GATM: variants seen among roughly 807,000 people sequenced by gnomAD.
GATM encodes the protein glycine amidinotransferase.
A neutral mutation model predicts 54.2 loss-of-function variants in GATM; 23 were observed. The observed-to-expected ratio is 0.42, with a 90% CI of 0.31 to 0.60. GATM has a LOEUF of 0.60. Ranked by LOEUF, GATM falls within the 20% of genes least tolerant of loss-of-function variation. The probability of loss-of-function intolerance (pLI) is 0.14; values close to 1 mark genes in which losing one functional copy is unlikely to be tolerated. For synonymous variants in GATM, 168 were observed against 183.1 expected, an observed-to-expected ratio of 0.92 and a Z score of 0.67; for missense variants, 401 against 544.9, an observed-to-expected ratio of 0.74 and a Z score of 2.63.
At chr15:45,390,299 G>A (rs1485128453) in intron 3 of GATM, among the ~76,000 whole-genome samples, 1 of 152,202 alleles carries the variant, frequency 6.6e-6, no homozygotes, top group Non-Finnish European at 1.5e-5. Context: ...GGCAGTTGGA[G>A]CTTTTCTCTC....
chr15:45,366,331 A>G (rs112157082), intron 5 of GATM, 40 bp downstream of exon 5: 1 of 1,613,114 alleles, frequency 6.2e-7, no homozygotes, highest in Non-Finnish European at 8.5e-7. Flanking sequence ...TAAAGAATAC[A>G]ATAATATAGT....
chr15:45,368,051 C>T lies in GATM; in HGVS notation c.675+19G>A. 1.2e-6 allele frequency: 2 copies of T among 1,609,374 alleles called. No individual in the cohort carries two copies. Among genetic ancestry groups the T allele is most frequent in the Non-Finnish European group, 1.7e-6 (2 of 1,176,060 alleles). On this transcript the variant is annotated intron_variant, in intron 4 of 8. Coordinates refer to ENST00000396659, the MANE Select transcript of GATM (RefSeq NM_001482.3). This position sits in a 1 kb window ranked among gnomAD's most constrained non-coding sequence, Gnocchi z 5.1. ...TTTAGAAAAGTTAGTAATAAGCTAGCCTATAATTAGGGACTCACCTGGTTA... is the reference window on the plus strand; with the variant it reads ...TTTAGAAAAGTTAGTAATAAGCTAGTCTATAATTAGGGACTCACCTGGTTA...
intron 2 of GATM, among the ~76,000 whole-genome samples, chr15:45,398,045 C>T (rs573618164): frequency 2.0e-5 from 3 of 152,218 alleles, no homozygotes; most frequent in African/African-American, 7.2e-5. Context: ...AGCCCTTTTC[C>T]GTTTATTTCT....
chr15:45,366,066 G>C lies in GATM; in HGVS notation c.958C>G (p.Pro320Ala). 1 of 1,614,096 alleles carries C rather than the reference G, an allele frequency of 6.2e-7. No homozygotes were observed. The highest frequency in any genetic ancestry group is 8.5e-7 in the Non-Finnish European group (1 of 1,180,006). Residue 320 changes from proline to alanine, a missense_variant, in exon 6 of 9, where the codon CCT becomes GCT. Transcript: ENST00000396659. ...IIGPGIVLSN[P>A]DRPCHQIDLF... is the part of the protein sequence containing the mutation. ...CTTACCTGGTGACATGGTCGGTCAG[G>C]GTTGGAAAGCACAATACCAGGTCCA...
intron 1 of GATM, among the ~76,000 whole-genome samples, chr15:45,401,647 C>T (rs1272050051): frequency 6.6e-5 from 10 of 152,144 alleles, no homozygotes; most frequent in Non-Finnish European, 2.9e-5. Context: ...TACTGTTGTG[C>T]CCCAATTAGA....
At chr15:45,398,251 A>G (rs1258714471) in intron 2 of GATM, among the ~76,000 whole-genome samples, 1 of 152,168 alleles carries the variant, frequency 6.6e-6, no homozygotes, top group African/African-American at 2.4e-5. Context: ...TATTTGTTTT[A>G]ATAAATATAT....
chr15:45,364,705 G>T, intron 7 of GATM, 92 bp downstream of exon 7: 1 of 1,107,606 alleles, frequency 9.0e-7, no homozygotes, highest in Non-Finnish European at 1.4e-6. Flanking sequence ...CATTCTCTAA[G>T]CTGCTAACAT....
In GATM at chr15:45,369,265, C is replaced by T. The variant is rs781475803; in HGVS notation, c.484+61G>A. On this transcript the variant is annotated intron_variant, in intron 3 of 8. Coordinates refer to ENST00000396659, the MANE Select transcript of GATM (RefSeq NM_001482.3). ...GAAATTTTTTGGAGCTTTCCCCTTACACATTAAGAAAGAAATTGAAAATTC... is the reference window on the plus strand; with the variant it reads ...GAAATTTTTTGGAGCTTTCCCCTTATACATTAAGAAAGAAATTGAAAATTC... The T allele has an allele frequency of 2.7e-5, 40 of 1,470,256 alleles. No homozygotes were observed. The Middle Eastern group carries it at 5.1e-4, about 19-fold the overall frequency. The allele number at this position is 1,470,256 out of a possible 1,614,324, so 91.1% of individuals were successfully genotyped here. A position where few individuals can be genotyped will look rare whatever the true frequency, so the allele number is the denominator to read the frequency against.
At chr15:45,396,941 C>T (rs957108034) in exon 3 of GATM, 1 of 142,914 alleles carries the variant, frequency 7.0e-6, no homozygotes, top group Non-Finnish European at 1.5e-5. Flanking sequence ...ATTTCTTAAA[C>T]ACAAAAAGCA....
chr15:45,387,926 T>G (rs1393207409), intron 3 of GATM, among the ~76,000 whole-genome samples: 5 of 152,218 alleles, frequency 3.3e-5, no homozygotes, highest in Non-Finnish European at 5.9e-5. Context: ...GATTTTATAC[T>G]CTGGGAATTC....
rs758473036 is a variant in GATM at position 45,368,205 on chromosome 15, G to A, written c.540C>T (p.Ile180=). Residue 180 remains isoleucine, a synonymous_variant, in exon 4 of 9, where the codon ATC becomes ATT. Transcript: ENST00000396659. The surrounding 1 kb of genome is among the most constrained non-coding windows in gnomAD (Gnocchi z 5.1). ...DILIVVGNEI[I]EAPMAWRSRF... ...GTGAACGCCATGCCATGGGAGCCTCGATAATCTCATTGCCCACAACTATCA... is the reference window on the plus strand; with the variant it reads ...GTGAACGCCATGCCATGGGAGCCTCAATAATCTCATTGCCCACAACTATCA... The A allele has an allele frequency of 7.4e-6, 12 of 1,614,052 alleles. No individual in the cohort carries two copies. Among genetic ancestry groups the A allele is most frequent in the African/African-American group, 1.3e-5 (1 of 75,026 alleles).
chr15:45,361,131 T>C lies in GATM; in HGVS notation c.*978A>G, dbSNP rs1265579034. 2 of 152,234 alleles carry C rather than the reference T, an allele frequency of 1.3e-5. No homozygotes were observed. Among genetic ancestry groups the C allele is most frequent in the Admixed American group, 1.3e-4 (2 of 15,280 alleles). The allele number at this position is 152,234 out of a possible 1,614,324, so 9.4% of individuals were successfully genotyped here. A position where few individuals can be genotyped will look rare whatever the true frequency, so the allele number is the denominator to read the frequency against. ...GACTAGACCAATGCCAAATTCAATC[T>C]GGAACACAAAAGTTTATTAGAATAA... is the stretch of plus-strand genomic sequence containing the variant. On this transcript the variant is annotated 3_prime_UTR_variant, in exon 9 of 9. Transcript: ENST00000396659.
intron 2 of GATM, among the ~76,000 whole-genome samples, chr15:45,398,114 A>G (rs1889954909): frequency 6.6e-6 from 1 of 152,152 alleles, no homozygotes; most frequent in African/African-American, 2.4e-5. Context: ...TACTTCTTCA[A>G]TGTTTGACTT....
chr15:45,392,127 A>C (rs1329557025), intron 3 of GATM, among the ~76,000 whole-genome samples: 1 of 152,250 alleles, frequency 6.6e-6, no homozygotes, highest in East Asian at 1.9e-4. Flanking sequence ...GAATTAATAC[A>C]TGTAAAGCAC....
chr15:45,366,594 T>G (rs1889451860), intron 4 of GATM, 86 bp from the exon 5 acceptor site: 1 of 1,469,202 alleles, frequency 6.8e-7, no homozygotes, highest in African/African-American at 1.4e-5. Context: ...AAAATTAGTT[T>G]AACATCATTT....
intron 8 of GATM, among the ~76,000 whole-genome samples, chr15:45,362,642 G>A (rs59731495): frequency 3.3e-5 from 5 of 152,172 alleles, no homozygotes; most frequent in Non-Finnish European, 1.5e-5. Context: ...TCACATATAA[G>A]GAGAGTTTAT....
chr15:45,392,394 T>C lies in GATM; in HGVS notation c.-319+4528A>G, dbSNP rs376478735. Among the ~76,000 whole-genome samples the C allele has an allele frequency of 2.6e-5, 4 of 152,358 alleles. No individual in the cohort carries two copies. The East Asian group carries it at 7.7e-4, about 29-fold the overall frequency. On this transcript the variant is annotated intron_variant, in intron 3 of 4. Coordinates refer to the GATM transcript ENST00000561148. The stretch of plus-strand genomic sequence containing the variant: ...GTGCGTGTGCGTGCATGTGTGTGTG[T>C]AATGTTTCAAAATGATTTCATACAT...
At chr15:45,367,431 G>T (rs994240407) in intron 4 of GATM, among the ~76,000 whole-genome samples, 1 of 151,928 alleles carries the variant, frequency 6.6e-6, no homozygotes, top group Admixed American at 6.6e-5. Context: ...AAGTCATTCT[G>T]TTCTTTTAGA....
chr15:45,387,881 T>C (rs1889821432), intron 3 of GATM, among the ~76,000 whole-genome samples: 1 of 152,200 alleles, frequency 6.6e-6, no homozygotes, highest in Non-Finnish European at 1.5e-5. Flanking sequence ...AATTCTTTTT[T>C]CAAGAGTTAA....
Sources: allele counts gnomAD v4.1 joint callset (sites outside exome capture counted in the v4.1 genomes callset), GRCh38; gene constraint gnomAD v4.1.1; non-coding constraint Gnocchi (gnomAD v3.1); transcripts MANE v1.5; gene names NCBI Gene and HGNC (gene_info 2026-07-23, HGNC 2026-07-21).